LMBR1: variants seen among roughly 807,000 people sequenced by gnomAD.
LMBR1 encodes the protein limb development membrane protein 1.
In LMBR1, 52 loss-of-function variants were observed where a neutral mutation model predicts 73.9. The observed-to-expected ratio is 0.70, with a 90% CI of 0.56 to 0.89. The LOEUF is 0.89. LMBR1 is among the 40% of genes least tolerant of loss of function. LMBR1 has a pLI of 0.00. For missense variants in LMBR1, 539 were observed against 579.8 expected (o/e 0.93, Z 0.72); for synonymous variants, 215 against 209.4 (o/e 1.03, Z -0.23).
intron 5 of LMBR1, among the ~76,000 whole-genome samples, chr7:156,771,637 A>T (rs533512200): frequency 6.6e-6 from 1 of 152,156 alleles, no homozygotes; most frequent in Admixed American, 6.5e-5. Flanking sequence ...TAAATTCATG[A>T]CCGAATCCTA....
intron 1 of LMBR1, among the ~76,000 whole-genome samples, chr7:156,878,951 AACG>A (rs1381090959): frequency 4.6e-5 from 7 of 152,220 alleles, no homozygotes; most frequent in Non-Finnish European, 8.8e-5. Context: ...AAAGTGGGGA[AACG>A]ACACCAACAA....
At chr7:156,883,672 G>A (rs769597268) in intron 1 of LMBR1, among the ~76,000 whole-genome samples, 3 of 152,144 alleles carry the variant, frequency 2.0e-5, no homozygotes, top group African/African-American at 4.8e-5. Flanking sequence ...TCCTTCTGGA[G>A]ACTCTAGGAA....
At chr7:156,826,271 C>T (rs1250949396) in intron 4 of LMBR1, among the ~76,000 whole-genome samples, 2 of 152,292 alleles carry the variant, frequency 1.3e-5, no homozygotes, top group Middle Eastern at 3.4e-3. Flanking sequence ...TGAGCCACCA[C>T]GCCCGGCCAG....
chr7:156,762,746 G>A (rs1456608420), intron 7 of LMBR1, among the ~76,000 whole-genome samples: 1 of 152,024 alleles, frequency 6.6e-6, no homozygotes, highest in Admixed American at 6.6e-5. Flanking sequence ...GACAGGTATG[G>A]GGGTGAGGCT....
chr7:156,732,601 A>C (rs763494531), intron 10 of LMBR1, among the ~76,000 whole-genome samples: 10 of 152,176 alleles, frequency 6.6e-5, no homozygotes, highest in Non-Finnish European at 1.5e-4. Context: ...TATGAAAAGA[A>C]ACAGCACTCA....
At chr7:156,872,687 G>A (rs1799483410) in intron 1 of LMBR1, among the ~76,000 whole-genome samples, 1 of 151,616 alleles carries the variant, frequency 6.6e-6, no homozygotes, top group Admixed American at 6.6e-5. Context: ...TAATTAAGGA[G>A]GTGAAAGACC....
At chr7:156,845,791 G>A (rs1839485031) in intron 1 of LMBR1, among the ~76,000 whole-genome samples, 2 of 152,016 alleles carry the variant, frequency 1.3e-5, no homozygotes, top group Admixed American at 1.3e-4. Context: ...TGAGATTACA[G>A]GTGTGAACGA....
chr7:156,759,196 C>T (rs964381632), intron 8 of LMBR1, among the ~76,000 whole-genome samples: 18 of 152,220 alleles, frequency 1.2e-4, no homozygotes, highest in Non-Finnish European at 2.2e-4. Context: ...ACAAAAGTTT[C>T]GACCAGTGTT....
chr7:156,744,557 T>C (rs1229090588), intron 9 of LMBR1, among the ~76,000 whole-genome samples: 3 of 152,192 alleles, frequency 2.0e-5, no homozygotes, highest in Non-Finnish European at 4.4e-5. Context: ...ATTATTTACA[T>C]TCAGTATCTT....
chr7:156,734,018 C>A, intron 10 of LMBR1, 159 bp downstream of exon 10: 1 of 473,672 alleles, frequency 2.1e-6, no homozygotes, highest in South Asian at 5.2e-5. Flanking sequence ...TAAACTTATC[C>A]TCTCCCCAAA....
chr7:156,812,703 A>G (rs1382070920), intron 4 of LMBR1, among the ~76,000 whole-genome samples: 1 of 152,234 alleles, frequency 6.6e-6, no homozygotes, highest in East Asian at 1.9e-4. Context: ...CCAGTTTAGT[A>G]AGGTTTTACT....
intron 11 of LMBR1, 66 bp downstream of exon 11, chr7:156,728,578 A>G: frequency 8.8e-7 from 1 of 1,137,294 alleles, no homozygotes. Context: ...GGGAGCTGCC[A>G]TACTCAAATG....
chr7:156,755,937 C>T (rs1245931608), intron 9 of LMBR1, among the ~76,000 whole-genome samples: 1 of 152,142 alleles, frequency 6.6e-6, no homozygotes, highest in African/African-American at 2.4e-5. Context: ...TTCTGAAATG[C>T]AGTTCGTTAT....
At chr7:156,849,671 G>C (rs1387989623) in intron 1 of LMBR1, among the ~76,000 whole-genome samples, 1 of 152,162 alleles carries the variant, frequency 6.6e-6, no homozygotes, top group Non-Finnish European at 1.5e-5. Flanking sequence ...TGTTGCCAGG[G>C]GTTGAGGGGA....
intron 15 of LMBR1, among the ~76,000 whole-genome samples, chr7:156,719,424 T>C (rs1222457207): frequency 6.6e-6 from 1 of 152,008 alleles, no homozygotes; most frequent in African/African-American, 2.4e-5. Context: ...CTATTGTGAA[T>C]AGTGCCGCAA....
rs997622587 is a variant in LMBR1, at chr7:156,669,357, A to G, written n.867-70T>C. ...AATAAGTGCCAGGAAGAAAAATGCAAAGAGAGGAAGGGGAGAGAGAGTGAA... is the reference window on the plus strand; with the variant it reads ...AATAAGTGCCAGGAAGAAAAATGCAGAGAGAGGAAGGGGAGAGAGAGTGAA... On this transcript the variant is annotated intron_variant and non_coding_transcript_variant, in intron 4 of 4. Coordinates refer to the LMBR1 transcript ENST00000430825. This position sits in a 1 kb window ranked among gnomAD's most constrained non-coding sequence, Gnocchi z 4.2. The G allele has an allele frequency of 6.6e-5, 10 of 152,242 alleles. No individual in the cohort carries two copies. The highest frequency in any genetic ancestry group is 1.9e-4 in the African/African-American group (8 of 41,454). The allele number at this position is 152,242 out of a possible 1,614,324, so 9.4% of individuals were successfully genotyped here.
chr7:156,890,227 T>C (rs1038107646), intron 1 of LMBR1, among the ~76,000 whole-genome samples: 2 of 152,092 alleles, frequency 1.3e-5, no homozygotes, highest in Non-Finnish European at 2.9e-5. Flanking sequence ...AGAAGAGTAA[T>C]TCAATAAAGC....
intron 1 of LMBR1, among the ~76,000 whole-genome samples, chr7:156,845,177 T>A (rs1323992468): frequency 2.6e-5 from 4 of 152,098 alleles, no homozygotes; most frequent in Non-Finnish European, 5.9e-5. Context: ...ACCCCAAGAA[T>A]ATATACATCT....
chr7:156,749,040 T>C (rs1452510232), intron 9 of LMBR1, among the ~76,000 whole-genome samples: 1 of 152,184 alleles, frequency 6.6e-6, no homozygotes, highest in Non-Finnish European at 1.5e-5. Context: ...TTCTGACCAT[T>C]TCAGATCCTT....
Sources: gnomAD v4.1 joint callset for allele counts (sites outside exome capture counted in the v4.1 genomes callset) on GRCh38, gnomAD v4.1.1 for gene constraint, Gnocchi (gnomAD v3.1) non-coding constraint, MANE v1.5 for transcripts, NCBI Gene and HGNC (gene_info 2026-07-23, HGNC 2026-07-21) for gene names.